Variants in RYR2 observed in about 807,000 individuals in gnomAD.
The protein encoded by RYR2 is ryanodine receptor 2.
A neutral mutation model predicts 601.1 loss-of-function variants in RYR2; 227 were observed. The observed-to-expected ratio is 0.38, with a 90% confidence interval of 0.34 to 0.42. The LOEUF (loss-of-function observed/expected upper bound fraction) is 0.42. Ranked by LOEUF, RYR2 falls within the 10% of genes least tolerant of loss-of-function variation. RYR2 has a pLI of 1.00. For synonymous variants in RYR2, 2,223 were observed against 2,175.1 expected, an observed-to-expected ratio of 1.02 and a Z score of -0.61; for missense variants, 4,646 against 6,156.5, an observed-to-expected ratio of 0.75 and a Z score of 8.21.
At chr1:237,338,523 T>A (rs1361825401) in intron 3 of RYR2, among the ~76,000 whole-genome samples, 1 of 152,202 alleles carries the variant, frequency 6.6e-6, no homozygotes, top group African/African-American at 2.4e-5. Flanking sequence ...TGAGTTCCTA[T>A]CGTATTCCAG....
intron 63 of RYR2, among the ~76,000 whole-genome samples, chr1:237,687,953 A>T (rs1036016904): frequency 6.6e-6 from 1 of 152,136 alleles, no homozygotes; most frequent in Non-Finnish European, 1.5e-5. Context: ...AAACATTGGA[A>T]CGTCATAGTC....
intron 39 of RYR2, among the ~76,000 whole-genome samples, chr1:237,624,987 GTATA>G (rs775578380): frequency 6.6e-6 from 1 of 150,696 alleles, no homozygotes; most frequent in Non-Finnish European, 1.5e-5. Context: ...GTATGTGTGT[GTATA>G]TATATATATT....
chr1:237,324,449 A>T (rs1207421612), intron 2 of RYR2, among the ~76,000 whole-genome samples: 1 of 152,056 alleles, frequency 6.6e-6, no homozygotes, highest in Non-Finnish European at 1.5e-5. Flanking sequence ...AACCTGCCTC[A>T]ACTTCAGACC....
intron 10 of RYR2, among the ~76,000 whole-genome samples, chr1:237,396,582 G>A (rs1340700559): frequency 6.6e-6 from 1 of 152,122 alleles, no homozygotes; most frequent in African/African-American, 2.4e-5. Context: ...CCTGAGGGGA[G>A]GTTTGAGACT....
chr1:237,605,163 A>G (rs1676971767), intron 35 of RYR2, among the ~76,000 whole-genome samples: 1 of 152,328 alleles, frequency 6.6e-6, no homozygotes, highest in Admixed American at 6.5e-5. Flanking sequence ...CATCGATGCA[A>G]AAATCCTCAA....
Position 237,656,000 on chromosome 1 carries a change from A to T in RYR2, c.8129+16A>T. ...ATACCTCAAAGTATGGACTCTTTCTATTGCAGCAGATTTTTATTGTAAATG... is the reference window on the plus strand; with the variant it reads ...ATACCTCAAAGTATGGACTCTTTCTTTTGCAGCAGATTTTTATTGTAAATG... On this transcript the variant is annotated intron_variant, in intron 53 of 104. Coordinates refer to ENST00000366574, the MANE Select transcript of RYR2 (RefSeq NM_001035.3). 1.2e-6 allele frequency: 2 copies of T among 1,609,364 alleles called. No homozygotes were observed. Among genetic ancestry groups the T allele is most frequent in the Middle Eastern group, 1.7e-4 (1 of 6,046 alleles).
At chr1:237,104,893 C>T (rs1253542359) in intron 1 of RYR2, among the ~76,000 whole-genome samples, 1 of 152,176 alleles carries the variant, frequency 6.6e-6, no homozygotes, top group Non-Finnish European at 1.5e-5. Context: ...CTGATCTGTG[C>T]CTGGTGCTTA....
chr1:237,798,776 T>TCTCA (rs778534737), intron 97 of RYR2, among the ~76,000 whole-genome samples: 1 of 135,210 alleles, frequency 7.4e-6, no homozygotes, highest in Non-Finnish European at 1.6e-5. Flanking sequence ...AATTTAAATG[T>TCTCA]CACACACACA....
At chr1:237,713,754 C>G (rs970721011) in intron 71 of RYR2, among the ~76,000 whole-genome samples, 3 of 152,094 alleles carry the variant, frequency 2.0e-5, no homozygotes, top group Non-Finnish European at 2.9e-5. Flanking sequence ...GCATTTATTA[C>G]AAGTTCTCTG....
At chr1:237,137,308 C>G (rs923772281) in intron 1 of RYR2, among the ~76,000 whole-genome samples, 2 of 152,102 alleles carry the variant, frequency 1.3e-5, no homozygotes, top group African/African-American at 4.8e-5. Context: ...GTCATCATGC[C>G]TTTGTGCTGG....
intron 2 of RYR2, among the ~76,000 whole-genome samples, chr1:237,309,973 T>C (rs12734585): frequency 0.34 from 51,455 of 152,028 alleles, 8,942 homozygotes; most frequent in South Asian, 0.51. Context: ...CGCGCAGCTC[T>C]GGTTCCTGCC....
Position 237,298,184 on chromosome 1 carries a change from C to G in RYR2, c.168+27568C>G, listed in dbSNP as rs138572081. Among the ~76,000 whole-genome samples the G allele has an allele frequency of 2.0e-3, 309 of 152,264 alleles. 2 individuals are homozygous for G. Among genetic ancestry groups the G allele is most frequent in the African/African-American group, 7.2e-3 (298 of 41,552 alleles). On this transcript the variant is annotated intron_variant, in intron 2 of 104. Transcript: ENST00000366574. ...TTGTCATCGTCACTCATTCATCACT[C>G]AACCATGGGTGCACATTCTCATTCA...
intron 1 of RYR2, among the ~76,000 whole-genome samples, chr1:237,137,672 T>A (rs1672941198): frequency 6.6e-6 from 1 of 152,222 alleles, no homozygotes; most frequent in African/African-American, 2.4e-5. Flanking sequence ...TTTGAATAAG[T>A]AGGAAGGATC....
At chr1:237,578,639 TTA>T (rs1491147962) in intron 29 of RYR2, among the ~76,000 whole-genome samples, 1 of 150,104 alleles carries the variant, frequency 6.7e-6, no homozygotes, top group Admixed American at 6.7e-5. Flanking sequence ...TTTTGGAGAC[TTA>T]TTTTGCAATG....
intron 16 of RYR2, 68 bp downstream of exon 16, chr1:237,456,803 G>C: frequency 1.3e-5 from 19 of 1,515,082 alleles, no homozygotes; most frequent in Non-Finnish European, 1.6e-5. Flanking sequence ...TGGACTAGGT[G>C]TGATGGCTCA....
At chr1:237,135,981 G>A (rs891381754) in intron 1 of RYR2, among the ~76,000 whole-genome samples, 1 of 152,174 alleles carries the variant, frequency 6.6e-6, no homozygotes, top group East Asian at 1.9e-4. Context: ...GGGCCACAGA[G>A]GCCCCACTCA....
intron 25 of RYR2, among the ~76,000 whole-genome samples, chr1:237,543,831 A>G (rs1437337137): frequency 6.6e-6 from 1 of 152,200 alleles, no homozygotes; most frequent in Non-Finnish European, 1.5e-5. Flanking sequence ...CTCATCTGGA[A>G]TACCTGCTTA....
chr1:237,826,338 A>G (rs1478963864), intron 101 of RYR2, among the ~76,000 whole-genome samples: 1 of 152,232 alleles, frequency 6.6e-6, no homozygotes, highest in African/African-American at 2.4e-5. Context: ...GCAGCCATAA[A>G]AAAAGGATGA....
intron 12 of RYR2, among the ~76,000 whole-genome samples, chr1:237,436,453 C>CATTTTTTTTTTTTTTTTTTTTT (rs1491092540): frequency 2.1e-4 from 12 of 55,822 alleles, no homozygotes; most frequent in Non-Finnish European, 2.8e-4. Flanking sequence ...GTGTGATTTT[C>CATTTTTTTTTTTTTTTTTTTTT]CTTTTTTTTT....
Sources: gnomAD v4.1 joint callset for allele counts (sites outside exome capture counted in the v4.1 genomes callset) on GRCh38, gnomAD v4.1.1 for gene constraint, MANE v1.5 for transcripts, NCBI Gene and HGNC (gene_info 2026-07-23, HGNC 2026-07-21) for gene names.